CENPF: variants seen among roughly 807,000 people sequenced by gnomAD.
CENPF encodes centromere protein F, also known as AH antigen.
CENPF carries 214 observed loss-of-function variants against 307.3 expected under a neutral mutation model. The observed-to-expected ratio is 0.70, with a 90% CI of 0.62 to 0.78. The LOEUF (loss-of-function observed/expected upper bound fraction) is 0.78. Among genes scored for constraint, CENPF ranks in the 30% least tolerant of loss-of-function variants. The pLI is 0.00. For synonymous variants in CENPF, 1,259 were observed against 1,270.6 expected, an observed-to-expected ratio of 0.99 and a Z score of 0.19; for missense variants, 3,401 against 3,483.9, an observed-to-expected ratio of 0.98 and a Z score of 0.60.
rs754991460 is a variant in CENPF, at chr1:214,644,804, G to A, written c.5234G>A (p.Cys1745Tyr). The change falls in exon 13 of 20, where the codon TGC becomes TAC. Residue 1745 changes from cysteine (C) to tyrosine (Y), a missense_variant. Coordinates refer to ENST00000366955, the MANE Select transcript of CENPF (RefSeq NM_016343.4). The stretch of plus-strand genomic sequence containing the variant: ...GATAAAACCCAGGGCTCTTCAGAAT[G>A]CATTTCTGAATTGTCATTTTCTGGT... Reference protein sequence around the residue: ...GEDKTQGSSECISELSFSGPN... With the variant: ...GEDKTQGSSEYISELSFSGPN... The A allele has an allele frequency of 1.2e-6, 2 of 1,613,818 alleles. No individual in the cohort carries two copies. Among genetic ancestry groups the A allele is most frequent in the East Asian group, 2.2e-5 (1 of 44,872 alleles).
In CENPF at chr1:214,644,733, C is replaced by T; in HGVS notation, c.5163C>T (p.Cys1721=). The change falls in exon 13 of 20, where the codon TGC becomes TGT. Residue 1721 remains cysteine (C), a synonymous_variant. Coordinates refer to ENST00000366955, the MANE Select transcript of CENPF (RefSeq NM_016343.4). ...GTGCAGTGAAACCCACAGGAGAGTGCTCTGGGGAACAGTCCCCAGATACCA... is the reference window on the plus strand; with the variant it reads ...GTGCAGTGAAACCCACAGGAGAGTGTTCTGGGGAACAGTCCCCAGATACCA... ...ETGAVKPTGE[C]SGEQSPDTNY... is the part of the protein sequence containing the mutation. The T allele has an allele frequency of 6.2e-7, 1 of 1,613,848 alleles. No individual in the cohort carries two copies.
At chr1:214,617,860 G>C (rs1657402070) in intron 3 of CENPF, among the ~76,000 whole-genome samples, 1 of 152,184 alleles carries the variant, frequency 6.6e-6, no homozygotes, top group African/African-American at 2.4e-5. Context: ...TATGAAATTT[G>C]CTTGGAATAT....
At chr1:214,616,889 CTTT>C in intron 3 of CENPF, among the ~76,000 whole-genome samples, 1 of 100,000 alleles carries the variant, frequency 1.0e-5, no homozygotes, top group Non-Finnish European at 2.1e-5. Context: ...TTCTTTCTTT[CTTT>C]CTTTCTTTCT....
chr1:214,629,067 C>T lies in CENPF; in HGVS notation c.1090C>T (p.Leu364=), dbSNP rs199872430. 2 of 1,609,076 alleles carry T rather than the reference C, an allele frequency of 1.2e-6. No homozygotes were observed. The highest frequency in any genetic ancestry group is 8.5e-7 in the Non-Finnish European group (1 of 1,177,574). The part of the protein sequence containing the change: ...STKYTALEQK[L]KKLTEDLSCQ... ...TTAGTATACTGCATTGGAACAAAAA[C>T]TGAAAAAATTGACGGAAGATTTGAG... is the stretch of plus-strand genomic sequence containing the variant. Residue 364 remains leucine (L), a synonymous_variant, in exon 8 of 20, where the codon CTG becomes TTG. Coordinates refer to ENST00000366955, the MANE Select transcript of CENPF (RefSeq NM_016343.4).
chr1:214,635,341 T>C (rs1657928999), intron 10 of CENPF, among the ~76,000 whole-genome samples: 1 of 152,252 alleles, frequency 6.6e-6, no homozygotes. Flanking sequence ...TAGGAAATGA[T>C]GCCTCCCTTG....
At position 214,640,656 on chromosome 1, in the gene CENPF, C is replaced by T; in HGVS notation, c.2318C>T (p.Ser773Phe). The T allele has an allele frequency of 1.9e-6, 3 of 1,614,102 alleles. No individual in the cohort carries two copies. The highest frequency in any genetic ancestry group is 2.5e-6 in the Non-Finnish European group (3 of 1,179,992). Reference sequence around the variant, plus strand: ...GATCTGCTAAAATCCAAAGATGCTTCTCTGGTGACAAATGAAGATCATCAG... The same window carrying T: ...GATCTGCTAAAATCCAAAGATGCTTTTCTGGTGACAAATGAAGATCATCAG... The part of the protein sequence containing the change: ...LRDLLKSKDA[S>F]LVTNEDHQRS... Residue 773 changes from serine to phenylalanine, a missense_variant, in exon 12 of 20, where the codon TCT becomes TTT. By Grantham distance (155) the Ser-to-Phe change is radical. Coordinates refer to ENST00000366955, the MANE Select transcript of CENPF (RefSeq NM_016343.4).
Position 214,659,402 on chromosome 1 carries a change from C to T in CENPF, c.9141+374C>T, listed in dbSNP as rs1294023597. Among the ~76,000 whole-genome samples the T allele has an allele frequency of 6.6e-6, 1 of 151,872 alleles. No individual in the cohort carries two copies. The highest frequency in any genetic ancestry group is 2.4e-5 in the African/African-American group (1 of 41,304). ...AAACTTTACTCTCACTTATCTGCCC[C>T]CAGCTGCTAATTCTTTATTGTTTTT... On this transcript the variant is annotated intron_variant, in intron 19 of 19. Coordinates refer to ENST00000366955, the MANE Select transcript of CENPF (RefSeq NM_016343.4). This position sits in a 1 kb window ranked among gnomAD's most constrained non-coding sequence, Gnocchi z 4.4.
In CENPF at chr1:214,620,845, G is replaced by A; in HGVS notation, c.764G>A (p.Ser255Asn). Residue 255 changes from serine to asparagine, a missense_variant, in exon 6 of 20, where the codon AGT becomes AAT. Ser to Asn is a conservative substitution (Grantham distance 46). Transcript: ENST00000366955. ...TCTGGGGAACAAGAGGTGACTCCAAGTCGATCAACTTTGCAAATAGGGAAA... is the reference window on the plus strand; with the variant it reads ...TCTGGGGAACAAGAGGTGACTCCAAATCGATCAACTTTGCAAATAGGGAAA... Reference protein sequence around the residue: ...YFSGEQEVTPSRSTLQIGKRD... With the variant: ...YFSGEQEVTPNRSTLQIGKRD... 1.2e-6 allele frequency: 2 copies of A among 1,614,202 alleles called. No individual in the cohort carries two copies. The highest frequency in any genetic ancestry group is 2.2e-5 in the South Asian group (2 of 91,082).
rs200117793 is a variant in CENPF, at chr1:214,646,101, C to T, written c.6531C>T (p.Ala2177=). 43 of 1,613,684 alleles carry T rather than the reference C, an allele frequency of 2.7e-5. No individual in the cohort carries two copies. Among genetic ancestry groups the T allele is most frequent in the South Asian group, 9.9e-5 (9 of 91,086 alleles). ...ACCAGGAGCTAGTGATTCTTGATGC[C>T]GAGAATTCCAAAGCAGAAGTAGAGA... ...EENQELVILD[A]ENSKAEVETL... The change falls in exon 13 of 20, where the codon GCC becomes GCT. Residue 2177 remains alanine (A), a synonymous_variant. Transcript: ENST00000366955.
chr1:214,662,179 A>G (rs182156198), intron 19 of CENPF, among the ~76,000 whole-genome samples: 1 of 152,264 alleles, frequency 6.6e-6, no homozygotes, highest in African/African-American at 2.4e-5. Context: ...TTAAATGGCA[A>G]ACCTAAAGAT....
rs1657782925 is a variant in CENPF, at chr1:214,630,665, A to G, written c.1323+3A>G. On this transcript the variant is annotated splice_donor_region_variant and intron_variant, in intron 9 of 19. Coordinates refer to ENST00000366955, the MANE Select transcript of CENPF (RefSeq NM_016343.4). ...TCCTGCAGGCTGAACTGGATAAAGT[A>G]GGGGCCGTGTCTCTCTCTCTCTCCT... 1 of 1,613,836 alleles carries G rather than the reference A, an allele frequency of 6.2e-7. No individual in the cohort carries two copies. Among genetic ancestry groups the G allele is most frequent in the Non-Finnish European group, 8.5e-7 (1 of 1,179,816 alleles).
chr1:214,624,679 C>T (rs1657604906), intron 7 of CENPF, among the ~76,000 whole-genome samples: 1 of 151,388 alleles, frequency 6.6e-6, no homozygotes, highest in Non-Finnish European at 1.5e-5. Flanking sequence ...TTGATCTTTA[C>T]TAATCTTTCT....
At chr1:214,657,494 C>A in intron 18 of CENPF, 85 bp downstream of exon 18, 1 of 1,016,460 alleles carries the variant, frequency 9.8e-7, no homozygotes, top group Non-Finnish European at 1.5e-6. Flanking sequence ...AAAGTATTTG[C>A]TTTTTTACAT....
intron 6 of CENPF, 152 bp downstream of exon 6, chr1:214,621,098 T>G (rs1195179857): frequency 1.5e-6 from 1 of 669,836 alleles, no homozygotes; most frequent in Non-Finnish European, 2.5e-6. Flanking sequence ...ATATACTGTC[T>G]TTTCAATAAT....
chr1:214,630,777 A>G, intron 9 of CENPF, 115 bp downstream of exon 9: 2 of 1,308,806 alleles, frequency 1.5e-6, no homozygotes, highest in South Asian at 1.6e-5. Flanking sequence ...CTCCACCTTC[A>G]CTTTCCCTAT....
At chr1:214,623,793 C>G (rs1657579498) in intron 7 of CENPF, among the ~76,000 whole-genome samples, 4 of 152,050 alleles carry the variant, frequency 2.6e-5, no homozygotes, top group Admixed American at 2.0e-4. Context: ...CTTTGTGGAG[C>G]TTCATCTTAA....
chr1:214,648,459 C>T (rs1190378330), intron 13 of CENPF: 2 of 716,436 alleles, frequency 2.8e-6, no homozygotes, highest in Non-Finnish European at 5.1e-6. Context: ...TCCCTTATTA[C>T]TATTCTTCTA....
rs1263231976 is a variant in CENPF at position 214,647,144 on chromosome 1, G to A, written c.7574G>A (p.Ser2525Asn). The A allele has an allele frequency of 1.2e-5, 19 of 1,613,932 alleles. No individual in the cohort carries two copies. Among genetic ancestry groups the A allele is most frequent in the Non-Finnish European group, 1.4e-5 (16 of 1,179,962 alleles). The change falls in exon 13 of 20, where the codon AGT (serine) becomes AAT (asparagine). Residue 2525 changes from serine to asparagine, a missense_variant. Transcript: ENST00000366955. ...QKLEKKDEEI[S>N]RLKNQIQDQE... ...CTGGAGAAGAAGGATGAAGAAATCA[G>A]TAGACTGAAAAATCAAATTCAAGAC...
intron 3 of CENPF, 42 bp downstream of exon 3, chr1:214,615,070 G>A: frequency 7.5e-7 from 1 of 1,340,300 alleles, no homozygotes. Flanking sequence ...ATATTTGTAT[G>A]TATTAATCAG....
Sources: allele counts gnomAD v4.1 joint callset (sites outside exome capture counted in the v4.1 genomes callset), GRCh38; gene constraint gnomAD v4.1.1; non-coding constraint Gnocchi (gnomAD v3.1); transcripts MANE v1.5; gene names NCBI Gene and HGNC (gene_info 2026-07-23, HGNC 2026-07-21).